Variants in PCDHGA3 observed in about 807,000 individuals in gnomAD.
PCDHGA3 encodes protocadherin gamma-A3.
A neutral mutation model predicts 58.5 loss-of-function variants in PCDHGA3; 40 were observed. The observed-to-expected ratio is 0.68, with a 90% CI of 0.53 to 0.89. PCDHGA3 has a LOEUF of 0.89. Among genes scored for constraint, PCDHGA3 ranks in the 40% least tolerant of loss-of-function variants. The pLI is 0.00. For missense variants in PCDHGA3, 1,223 were observed against 1,195.9 expected, an observed-to-expected ratio of 1.02 and a Z score of -0.33; for synonymous variants, 530 against 525.7, an observed-to-expected ratio of 1.01 and a Z score of -0.11.
intron 2 of PCDHGA3, among the ~76,000 whole-genome samples, chr5:141,502,382 T>C (rs1668612742): frequency 1.3e-5 from 2 of 152,088 alleles, no homozygotes; most frequent in Non-Finnish European, 2.9e-5. Context: ...CCAGGCCAGT[T>C]GTACTTTAAA....
chr5:141,376,269 G>A, intron 1 of PCDHGA3: 2 of 1,614,224 alleles, frequency 1.2e-6, no homozygotes, highest in South Asian at 1.1e-5. Context: ...CAGGCTTCGG[G>A]AGGTGGCTTA....
At chr5:141,370,921 C>G in intron 1 of PCDHGA3, 1 of 1,613,978 alleles carries the variant, frequency 6.2e-7, no homozygotes, top group Non-Finnish European at 8.5e-7. Flanking sequence ...AGCCCTGATC[C>G]GCACTTCTCT....
chr5:141,360,170 G>T (rs72790010), intron 1 of PCDHGA3: 2 of 1,607,748 alleles, frequency 1.2e-6, no homozygotes, highest in Non-Finnish European at 1.7e-6. Context: ...GGGCTGGTGC[G>T]GTGGCTGCAG....
rs1174072440 is a variant in PCDHGA3, at chr5:141,438,581, TACATACATAC to T, written c.2425-56224_2425-56215del. Among the ~76,000 whole-genome samples, 141 of 49,790 alleles carry T rather than the reference TACATACATAC, an allele frequency of 2.8e-3. 1 individual carries two copies. Among genetic ancestry groups the T allele is most frequent in the African/African-American group, 0.014 (97 of 6,866 alleles). 32.7% of individuals were successfully genotyped at this position (49,790 alleles called of 152,430 possible). A position where few individuals can be genotyped will look rare whatever the true frequency, so the allele number is the denominator to read the frequency against. On this transcript the variant is annotated intron_variant, in intron 1 of 3. Coordinates refer to ENST00000253812, the MANE Select transcript of PCDHGA3 (RefSeq NM_018916.4). ...GAGGCAGCTGTCTGATATACATACA[TACATACATAC>T]ATATATATATATATATATATATATA...
chr5:141,364,385 C>T, intron 1 of PCDHGA3: 1 of 1,591,060 alleles, frequency 6.3e-7, no homozygotes, highest in Non-Finnish European at 8.6e-7. Context: ...GCCCTTCATG[C>T]TCCTGGGGAC....
intron 1 of PCDHGA3, among the ~76,000 whole-genome samples, chr5:141,469,489 C>T (rs1013080566): frequency 4.6e-5 from 7 of 151,928 alleles, no homozygotes; most frequent in Middle Eastern, 3.4e-3. Context: ...GCAGGAGAAT[C>T]GCTTGAACCC....
chr5:141,403,627 A>G lies in PCDHGA3; in HGVS notation c.2424+57170A>G, dbSNP rs1187522360. ...GCGGCGAGCCGCGTCGCTCCAGCAC[A>G]GTGCGCATCCATGTGACAGTGTTGG... On this transcript the variant is annotated intron_variant, in intron 1 of 3. Coordinates refer to ENST00000253812, the MANE Select transcript of PCDHGA3 (RefSeq NM_018916.4). 4 of 1,613,922 alleles carry G rather than the reference A, an allele frequency of 2.5e-6. No individual in the cohort carries two copies. The East Asian group carries it at 8.9e-5, about 36-fold the overall frequency.
At position 141,345,516 on chromosome 5, in the gene PCDHGA3, A is replaced by C; in HGVS notation, c.1483A>C (p.Thr495Pro). The change falls in exon 1 of 4, where the codon ACT becomes CCT. Residue 495 changes from threonine to proline, a missense_variant. Physicochemically the swap from Thr to Pro is conservative, Grantham distance 38. This residue lies in a region of PCDHGA3 where 791 missense variants were observed against 708.5 expected (regional missense o/e 1.12). Coordinates refer to ENST00000253812, the MANE Select transcript of PCDHGA3 (RefSeq NM_018916.4). The stretch of plus-strand genomic sequence containing the variant: ...CATCACTTATGCATTGACCGAGGAC[A>C]CTCTCCAGGGGGCGCCCCTGTCCTC... The part of the protein sequence containing the change: ...ARITYALTED[T>P]LQGAPLSSFV... The C allele has an allele frequency of 6.2e-7, 1 of 1,613,684 alleles. No individual in the cohort carries two copies. The highest frequency in any genetic ancestry group is 8.5e-7 in the Non-Finnish European group (1 of 1,179,908).
At chr5:141,371,589 A>C (rs754175637) in intron 1 of PCDHGA3, 1 of 1,613,602 alleles carries the variant, frequency 6.2e-7, no homozygotes, top group South Asian at 1.1e-5. Context: ...TCAAGATACC[A>C]AAAACACATA....
rs56854727 is a variant in PCDHGA3, at chr5:141,438,635, TACACACAC to T, written c.2425-56162_2425-56155del. ...ATATATATATATATATATATATATA[TACACACAC>T]ACACACACATATATGTATATATATA... On this transcript the variant is annotated intron_variant, in intron 1 of 3. Transcript: ENST00000253812. Among the ~76,000 whole-genome samples, 72 of 33,376 alleles carry T rather than the reference TACACACAC, an allele frequency of 2.2e-3. 1 individual carries two copies. Among genetic ancestry groups the T allele is most frequent in the Non-Finnish European group, 3.0e-3 (57 of 18,970 alleles). The allele number at this position is 33,376 out of a possible 152,430, so 21.9% of individuals were successfully genotyped here.
Position 141,489,576 on chromosome 5 carries a change from C to G in PCDHGA3, c.2425-5231C>G. 6.2e-7 allele frequency: 1 copy of G among 1,614,054 alleles called. No individual in the cohort carries two copies. Among genetic ancestry groups the G allele is most frequent in the Non-Finnish European group, 8.5e-7 (1 of 1,179,976 alleles). On this transcript the variant is annotated intron_variant, in intron 1 of 3. Coordinates refer to ENST00000253812, the MANE Select transcript of PCDHGA3 (RefSeq NM_018916.4). This position sits in a 1 kb window ranked among gnomAD's most constrained non-coding sequence, Gnocchi z 4.5. ...TGCCAGTGCAGGTGGTGACTGAACA[C>G]CCCCTGGAGCTAATCCGTGTAGAGG...
At chr5:141,380,731 T>C (rs1776694872) in intron 1 of PCDHGA3, among the ~76,000 whole-genome samples, 1 of 152,266 alleles carries the variant, frequency 6.6e-6, no homozygotes, top group Non-Finnish European at 1.5e-5. Flanking sequence ...TTATTTCCTT[T>C]TCTCCAAAGA....
At position 141,405,002 on chromosome 5, in the gene PCDHGA3, C is replaced by T. The variant is rs2154535993; in HGVS notation, c.2424+58545C>T. ...GGGCAGTCTTCAGATCCCTGCAGAC[C>T]TGGAGGCCTCAGACCTTACCCTCTA... is the stretch of plus-strand genomic sequence containing the variant. On this transcript the variant is annotated intron_variant, in intron 1 of 3. Transcript: ENST00000253812. The T allele has an allele frequency of 1.9e-6, 3 of 1,613,870 alleles. No homozygotes were observed. In the East Asian group the frequency reaches 6.7e-5, roughly 36 times the overall value.
chr5:141,348,442 GA>G (rs201369878), intron 1 of PCDHGA3, among the ~76,000 whole-genome samples: 4 of 150,534 alleles, frequency 2.7e-5, no homozygotes, highest in East Asian at 1.9e-4. Context: ...ATCATTTTTA[GA>G]AAAAAAAATG....
At chr5:141,408,838 G>A in intron 1 of PCDHGA3, 1 of 1,613,588 alleles carries the variant, frequency 6.2e-7, no homozygotes, top group African/African-American at 1.3e-5. Flanking sequence ...GCTTGATATT[G>A]ACTGCCTTGG....
At chr5:141,364,958 C>A in intron 1 of PCDHGA3, 4 of 1,613,958 alleles carry the variant, frequency 2.5e-6, no homozygotes, top group Non-Finnish European at 1.7e-6. Flanking sequence ...TGTTCACGAC[C>A]TCCTCCTCAC....
At chr5:141,380,748 C>A (rs1776705964) in intron 1 of PCDHGA3, among the ~76,000 whole-genome samples, 1 of 151,948 alleles carries the variant, frequency 6.6e-6, no homozygotes, top group African/African-American at 2.4e-5. Flanking sequence ...AAGAAGGTAC[C>A]AAGACACTAT....
chr5:141,365,052 T>TG, intron 1 of PCDHGA3: 1 of 1,613,872 alleles, frequency 6.2e-7, no homozygotes. Context: ...AATGCGCCCC[T>TG]GTTCACCCCA....
At chr5:141,400,789 CTT>C in intron 1 of PCDHGA3, 1 of 561,962 alleles carries the variant, frequency 1.8e-6, no homozygotes, top group Non-Finnish European at 3.1e-6. Flanking sequence ...TTTTTGTCCT[CTT>C]TCTCAAAGCT....
Sources: gnomAD v4.1 joint callset for allele counts (sites outside exome capture counted in the v4.1 genomes callset) on GRCh38, gnomAD v4.1.1 for gene constraint, gnomAD v4.1.1 regional missense constraint, Gnocchi (gnomAD v3.1) non-coding constraint, MANE v1.5 for transcripts, NCBI Gene and HGNC (gene_info 2026-07-23, HGNC 2026-07-21) for gene names.